SLC6A9: variants seen among roughly 807,000 people sequenced by gnomAD.
SLC6A9 encodes solute carrier family 6 member 9.
SLC6A9 carries 31 observed loss-of-function variants against 70.9 expected under a neutral mutation model. The observed-to-expected ratio is 0.44, with a 90% CI of 0.33 to 0.59. The LOEUF (loss-of-function observed/expected upper bound fraction) is 0.59. SLC6A9 is among the 20% of genes least tolerant of loss of function. The probability of loss-of-function intolerance (pLI) is 0.04; values close to 1 mark genes in which losing one functional copy is unlikely to be tolerated. For synonymous variants in SLC6A9, 310 were observed against 341.3 expected, an observed-to-expected ratio of 0.91 and a Z score of 1.01; for missense variants, 631 against 845.2, an observed-to-expected ratio of 0.75 and a Z score of 3.14.
chr1:44,008,693 T>A, intron 4 of SLC6A9, 70 bp from the exon 5 acceptor site: 1 of 1,275,332 alleles, frequency 7.8e-7, no homozygotes, highest in East Asian at 2.4e-5. Context: ...AATAATTTCT[T>A]TTTTTTCTTT....
intron 2 of SLC6A9, chr1:44,011,785 G>A: frequency 1.3e-6 from 2 of 1,534,776 alleles, no homozygotes; most frequent in Non-Finnish European, 1.8e-6. Flanking sequence ...AGGGAAGAAT[G>A]TGGGGCCTGC....
At position 44,000,913 on chromosome 1, in the gene SLC6A9, G is replaced by A. The variant is rs766666251; in HGVS notation, c.1435+43C>T. ...CAGACCCGCAGGACAGAGTGGGCGG[G>A]CCAAGGGCCGGGTCGCGGGAGGCCG... On this transcript the variant is annotated intron_variant, in intron 11 of 13. Transcript: ENST00000372310. 4 of 1,597,912 alleles carry A rather than the reference G, an allele frequency of 2.5e-6. No homozygotes were observed. The East Asian group carries it at 6.7e-5, about 27-fold the overall frequency.
In SLC6A9 at chr1:44,030,172, A is replaced by G. The variant is rs191748670; in HGVS notation, c.-86+1134T>C. On this transcript the variant is annotated intron_variant, in intron 1 of 13. Coordinates refer to ENST00000372310, the MANE Select transcript of SLC6A9 (RefSeq NM_001024845.3). ...CGGGCAGGGGCGCGGTCGGTCTGGG[A>G]GCAGCGGCACCGCCCGCAGCGTCCC... 6.9e-3 allele frequency among the ~76,000 whole-genome samples: 1,056 copies of G among 151,966 alleles called. 4 individuals carry two copies. Among genetic ancestry groups the G allele is most frequent in the Non-Finnish European group, 0.011 (777 of 67,944 alleles).
intron 1 of SLC6A9, among the ~76,000 whole-genome samples, chr1:44,026,609 A>C (rs1211685425): frequency 5.9e-5 from 9 of 151,512 alleles, no homozygotes; most frequent in African/African-American, 2.2e-4. Context: ...CAGTGAGCCG[A>C]GATCACACCA....
chr1:43,998,133 G>T, intron 12 of SLC6A9, 108 bp from the exon 13 acceptor site: 1 of 1,046,638 alleles, frequency 9.6e-7, no homozygotes. Flanking sequence ...ACTAGAAAAG[G>T]GCATTTGGGG....
At chr1:43,998,151 G>A (rs1451252322) in intron 12 of SLC6A9, 126 bp from the exon 13 acceptor site, 2 of 897,336 alleles carry the variant, frequency 2.2e-6, no homozygotes, top group Non-Finnish European at 3.4e-6. Context: ...GGGCAGAACA[G>A]GGACAGCTGT....
intron 12 of SLC6A9, among the ~76,000 whole-genome samples, chr1:43,999,561 T>A (rs1277742108): frequency 6.6e-6 from 1 of 152,098 alleles, no homozygotes; most frequent in African/African-American, 2.4e-5. Flanking sequence ...CATGGCACTC[T>A]GGGGTGGTGG....
At chr1:44,017,791 C>A (rs1453229903) in intron 2 of SLC6A9, among the ~76,000 whole-genome samples, 1 of 152,272 alleles carries the variant, frequency 6.6e-6, no homozygotes, top group Non-Finnish European at 1.5e-5. Flanking sequence ...TGTCAGCTGT[C>A]TGGACAAAGA....
intron 2 of SLC6A9, among the ~76,000 whole-genome samples, chr1:44,021,382 G>A (rs12239820): frequency 1.0e-3 from 157 of 152,304 alleles, no homozygotes; most frequent in African/African-American, 3.6e-3. Context: ...GGAGGGACAC[G>A]TGCAGCAGGC....
intron 1 of SLC6A9, among the ~76,000 whole-genome samples, chr1:44,028,016 G>A (rs1439989070): frequency 1.3e-5 from 2 of 152,192 alleles, no homozygotes; most frequent in Non-Finnish European, 2.9e-5. Context: ...GAGATAAAGG[G>A]TGTAAAAGAC....
In SLC6A9 at chr1:44,018,200, T is replaced by C. The variant is rs745533907; in HGVS notation, c.30+6048A>G. Among the ~76,000 whole-genome samples the C allele has an allele frequency of 4.6e-5, 7 of 152,216 alleles. No individual in the cohort carries two copies. Among genetic ancestry groups the C allele is most frequent in the Non-Finnish European group, 8.8e-5 (6 of 68,028 alleles). ...AATATCAGTCAGATGGACACGTGCA[T>C]GAATTCTGGTGTAAGAACAGCTTTC... On this transcript the variant is annotated intron_variant, in intron 2 of 13. Transcript: ENST00000372310. The surrounding 1 kb of genome is among the most constrained non-coding windows in gnomAD (Gnocchi z 4.2).
intron 4 of SLC6A9, among the ~76,000 whole-genome samples, chr1:44,009,296 T>G (rs1160093750): frequency 6.6e-6 from 1 of 151,644 alleles, no homozygotes; most frequent in Non-Finnish European, 1.5e-5. Context: ...CTTGGCTCAC[T>G]ACAAGCTCTG....
At chr1:44,006,704 G>A (rs2086330856) in intron 5 of SLC6A9, among the ~76,000 whole-genome samples, 1 of 150,958 alleles carries the variant, frequency 6.6e-6, no homozygotes, top group African/African-American at 2.4e-5. Context: ...CAAATGAAAT[G>A]ACCTGTCTGG....
chr1:44,003,476 G>T (rs1474970619), intron 5 of SLC6A9, among the ~76,000 whole-genome samples: 1 of 152,198 alleles, frequency 6.6e-6, no homozygotes, highest in Non-Finnish European at 1.5e-5. Context: ...TTGGACCCTG[G>T]CTGGGTGTGG....
At chr1:44,030,073 C>A (rs1032169824) in intron 1 of SLC6A9, among the ~76,000 whole-genome samples, 1 of 152,052 alleles carries the variant, frequency 6.6e-6, no homozygotes, top group Non-Finnish European at 1.5e-5. Flanking sequence ...GTGTGGCTTG[C>A]GGAGAGCAGG....
chr1:44,008,714 T>TC (rs2086421074), intron 4 of SLC6A9, 91 bp from the exon 5 acceptor site: 1 of 1,068,296 alleles, frequency 9.4e-7, no homozygotes, highest in East Asian at 2.6e-5. Flanking sequence ...TCTTTTCTTT[T>TC]TTTTTTTTTG....
At chr1:43,998,082 G>T in intron 12 of SLC6A9, 57 bp from the exon 13 acceptor site, 1 of 1,487,382 alleles carries the variant, frequency 6.7e-7, no homozygotes, top group Non-Finnish European at 9.1e-7. Flanking sequence ...CAGACCCCAG[G>T]CCATCCCTCT....
At chr1:44,014,074 C>T (rs1018572149) in intron 2 of SLC6A9, among the ~76,000 whole-genome samples, 2 of 152,134 alleles carry the variant, frequency 1.3e-5, no homozygotes, top group Admixed American at 6.5e-5. Flanking sequence ...CCTGAGCCAG[C>T]TCAGCCCCAT....
In SLC6A9 at chr1:44,001,626, C is replaced by T. The variant is rs768348856; in HGVS notation, c.964G>A (p.Asp322Asn). ...TTGGTGATGCTGATGATGACACTGT[C>T]CCTGATGGGGAGGAAAACAGAGTTC... Reference protein sequence around the residue: ...YNKFHNNCYRDSVIISITNCA... With the variant: ...YNKFHNNCYRNSVIISITNCA... The change falls in exon 9 of 14, where the codon GAC (aspartate) becomes AAC (asparagine). Residue 322 changes from aspartate to asparagine, a missense_variant and splice_region_variant. Transcript: ENST00000372310. The T allele has an allele frequency of 6.2e-7, 1 of 1,608,188 alleles. No homozygotes were observed. The highest frequency in any genetic ancestry group is 8.5e-7 in the Non-Finnish European group (1 of 1,175,996).
Sources: allele counts gnomAD v4.1 joint callset (sites outside exome capture counted in the v4.1 genomes callset), GRCh38; gene constraint gnomAD v4.1.1; non-coding constraint Gnocchi (gnomAD v3.1); transcripts MANE v1.5; gene names NCBI Gene and HGNC (gene_info 2026-07-23, HGNC 2026-07-21).